The following CDKL4 variants were observed in gnomAD, a reference collection of about 807,000 sequenced individuals.
The protein encoded by CDKL4 is cyclin dependent kinase like 4, also known as cyclin-dependent kinase-like 4.
A neutral mutation model predicts 42.0 loss-of-function variants in CDKL4; 44 were observed. The ratio of observed to expected loss-of-function variants is 1.05; its 90% confidence interval spans 0.82 to 1.35. CDKL4 has a LOEUF of 1.35. CDKL4 is among the 40% of genes most tolerant of loss of function. The probability of loss-of-function intolerance (pLI) is 0.00; values close to 1 mark genes in which losing one functional copy is unlikely to be tolerated. For missense variants in CDKL4, 393 were observed against 369.9 expected, an observed-to-expected ratio of 1.06 and a Z score of -0.51; for synonymous variants, 120 against 121.6, an observed-to-expected ratio of 0.99 and a Z score of 0.09.
chr2:39,201,304 T>A (rs79320767), intron 5 of CDKL4, among the ~76,000 whole-genome samples: 286 of 145,220 alleles, frequency 2.0e-3, no homozygotes, highest in Middle Eastern at 3.5e-3. Context: ...ACCAAAAAAA[T>A]AAAAAAAAAA....
exon 3 of CDKL4, chr2:39,225,894 C>A (rs760193087): frequency 1.2e-6 from 2 of 1,611,820 alleles, no homozygotes; most frequent in South Asian, 1.1e-5. Context: ...TATTCAAAAA[C>A]TAAATGCATT....
rs564526943 is a variant in CDKL4, at chr2:39,182,014, C to T, written c.792+2577G>A. On this transcript the variant is annotated intron_variant, in intron 8 of 9. Coordinates refer to ENST00000451199, the Ensembl canonical transcript of CDKL4. ...TTATTTTTTTTTAGAGATGAGGTTT[C>T]ACTGTCACCCAGGCTACAGTGCAGT... is the stretch of plus-strand genomic sequence containing the variant. Among the ~76,000 whole-genome samples the T allele has an allele frequency of 2.6e-5, 4 of 152,098 alleles. No homozygotes were observed. The South Asian group carries it at 8.3e-4, about 32-fold the overall frequency.
intron 4 of CDKL4, among the ~76,000 whole-genome samples, chr2:39,209,073 G>A (rs978329420): frequency 3.3e-5 from 5 of 151,390 alleles, no homozygotes; most frequent in Non-Finnish European, 7.4e-5. Flanking sequence ...GGCCAAGGTG[G>A]GAGAATCGCT....
chr2:39,195,851 G>C (rs574740100), intron 5 of CDKL4, among the ~76,000 whole-genome samples: 1 of 152,158 alleles, frequency 6.6e-6, no homozygotes, highest in Non-Finnish European at 1.5e-5. Flanking sequence ...GATGGCTTCT[G>C]AGGAAAATGG....
At chr2:39,171,104 T>C (rs1674987282), downstream of CDKL4, among the ~76,000 whole-genome samples, 1 of 151,996 alleles carries the variant, frequency 6.6e-6, no homozygotes, top group Admixed American at 6.6e-5. Context: ...CTGGGCGTGG[T>C]GGCACATGCC....
At chr2:39,226,436 T>TTATATATGTTA (rs1558580444) in intron 2 of CDKL4, among the ~76,000 whole-genome samples, 1 of 136,046 alleles carries the variant, frequency 7.4e-6, no homozygotes, top group Non-Finnish European at 1.6e-5. Context: ...TTTATATAAA[T>TTATATATGTTA]TATATATATT....
chr2:39,169,630 T>C, the CDKL4 span, among the ~76,000 whole-genome samples: 1 of 152,184 alleles, frequency 6.6e-6, no homozygotes, highest in Non-Finnish European at 1.5e-5. Flanking sequence ...CTAGCTTCAC[T>C]ACTCTCTTAT....
chr2:39,215,674 G>A (rs1425152942), intron 3 of CDKL4, among the ~76,000 whole-genome samples: 10 of 152,120 alleles, frequency 6.6e-5, no homozygotes. Context: ...CAGAACAGTG[G>A]GAAGGCCTAG....
At chr2:39,214,115 G>A (rs1677763821) in intron 3 of CDKL4, among the ~76,000 whole-genome samples, 1 of 152,050 alleles carries the variant, frequency 6.6e-6, no homozygotes, top group African/African-American at 2.4e-5. Context: ...TAGAGACGGG[G>A]TTTTGTCATG....
At chr2:39,217,767 CTT>C (rs1678024646) in intron 3 of CDKL4, among the ~76,000 whole-genome samples, 1 of 151,750 alleles carries the variant, frequency 6.6e-6, no homozygotes, top group African/African-American at 2.4e-5. Flanking sequence ...GAGTTTCGCT[CTT>C]GTTGCCCAGG....
chr2:39,179,902 A>G (rs1675338884), intron 8 of CDKL4, among the ~76,000 whole-genome samples: 1 of 152,272 alleles, frequency 6.6e-6, no homozygotes, highest in East Asian at 1.9e-4. Context: ...AAAAATAACT[A>G]CAGGCAAAAC....
intron 3 of CDKL4, among the ~76,000 whole-genome samples, chr2:39,217,701 A>ATTATTTAT (rs145033516): frequency 2.4e-4 from 36 of 147,828 alleles, no homozygotes; most frequent in African/African-American, 5.2e-4. Flanking sequence ...GGCTTATTTT[A>ATTATTTAT]TTATTTATTT....
At chr2:39,224,498 A>ATTTTT (rs1171458286) in intron 3 of CDKL4, among the ~76,000 whole-genome samples, 5 of 132,626 alleles carry the variant, frequency 3.8e-5, no homozygotes, top group African/African-American at 5.7e-5. Context: ...TTCTCCACTA[A>ATTTTT]TTTTTTTTTT....
intron 4 of CDKL4, 129 bp downstream of exon 4, chr2:39,213,271 T>A (rs1677694129): frequency 1.7e-6 from 1 of 593,932 alleles, no homozygotes; most frequent in African/African-American, 1.9e-5. Flanking sequence ...TGGCTGAACT[T>A]CCTTTTGTTT....
chr2:39,194,520 A>G (rs1439644070), intron 5 of CDKL4, among the ~76,000 whole-genome samples: 2 of 152,186 alleles, frequency 1.3e-5, no homozygotes, highest in African/African-American at 4.8e-5. Context: ...TGCCAGCTTC[A>G]TTGGTGAAGA....
intron 3 of CDKL4, among the ~76,000 whole-genome samples, chr2:39,224,237 T>C (rs1678554885): frequency 6.6e-6 from 1 of 152,236 alleles, no homozygotes; most frequent in African/African-American, 2.4e-5. Context: ...TAAAAGTCCC[T>C]TTTTTCTCGA....
intron 3 of CDKL4, among the ~76,000 whole-genome samples, chr2:39,221,606 T>C (rs1252200932): frequency 1.3e-4 from 20 of 152,238 alleles, no homozygotes; most frequent in Admixed American, 1.2e-3. Context: ...CCATGCATAA[T>C]AGATTGAAGT....
At chr2:39,195,757 C>T (rs1007148157) in intron 5 of CDKL4, among the ~76,000 whole-genome samples, 1 of 151,518 alleles carries the variant, frequency 6.6e-6, no homozygotes, top group Non-Finnish European at 1.5e-5. Context: ...ACTCTCATGC[C>T]TCAGACTCCT....
chr2:39,243,109 G>T (rs1220647912), intron 1 of CDKL4, among the ~76,000 whole-genome samples: 3 of 66,780 alleles, frequency 4.5e-5, no homozygotes, highest in African/African-American at 2.0e-4. Flanking sequence ...GTGAGACCCT[G>T]TCTCAAAAAA....
Sources: gnomAD v4.1 joint callset for allele counts (sites outside exome capture counted in the v4.1 genomes callset) on GRCh38, gnomAD v4.1.1 for gene constraint, MANE v1.5 for transcripts, NCBI Gene and HGNC (gene_info 2026-07-23, HGNC 2026-07-21) for gene names.